The following DNAH14 variants were observed in gnomAD, a reference collection of about 807,000 sequenced individuals.
DNAH14 encodes axonemal beta dynein heavy chain 14.
DNAH14 carries 478 observed loss-of-function variants against 520.9 expected under a neutral mutation model. That is an observed-to-expected ratio of 0.92 (90% CI 0.85 to 0.99). DNAH14 has a LOEUF of 0.99. Among genes scored for constraint, DNAH14 ranks in the 50% least tolerant of loss-of-function variants. The pLI is 0.00. For synonymous variants in DNAH14, 1,581 were observed against 1,757.2 expected (o/e 0.90, Z 2.51); for missense variants, 4,831 against 5,234.5 (o/e 0.92, Z 2.38).
chr1:225,392,546 C>T, intron 84 of DNAH14, 95 bp downstream of exon 84: 1 of 1,441,256 alleles, frequency 6.9e-7, no homozygotes. Context: ...TTACTCAGCA[C>T]TTACCACATG....
In DNAH14 at chr1:225,340,604, A is replaced by C. The variant is rs1172836856; in HGVS notation, c.10581A>C (p.Glu3527Asp). Residue 3527 changes from glutamate to aspartate, a missense_variant, in exon 69 of 86, where the codon GAA becomes GAC. Coordinates refer to ENST00000682510, the MANE Select transcript of DNAH14 (RefSeq NM_001367479.1). ...TAACTCATGAAGTTCCTCATTTAGA[A>C]GATCAACGTTCCAAGTTACTGGAGA... ...TVVTHEVPHL[E>D]DQRSKLLESI... The C allele has an allele frequency of 2.6e-6, 4 of 1,551,450 alleles. No homozygotes were observed. The Admixed American group carries it at 5.9e-5, about 23-fold the overall frequency.
At chr1:225,259,899 T>C (rs910324395) in intron 46 of DNAH14, among the ~76,000 whole-genome samples, 11 of 152,202 alleles carry the variant, frequency 7.2e-5, no homozygotes, top group Admixed American at 4.6e-4. Flanking sequence ...ATTTCCTTCT[T>C]TTTAGAGACT....
chr1:225,051,026 G>T (rs2068488772), intron 16 of DNAH14, among the ~76,000 whole-genome samples: 1 of 152,160 alleles, frequency 6.6e-6, no homozygotes, highest in Admixed American at 6.6e-5. Context: ...AGGCAGTAAT[G>T]CTTGCTCACC....
At chr1:225,066,518 A>G (rs1442646159) in intron 17 of DNAH14, among the ~76,000 whole-genome samples, 1 of 151,734 alleles carries the variant, frequency 6.6e-6, no homozygotes, top group Non-Finnish European at 1.5e-5. Context: ...TTATTTCGAT[A>G]GTTTTGGGGG....
In DNAH14 at chr1:225,381,509, TCA is replaced by T. The variant is rs748334981; in HGVS notation, c.13008_13009del (p.Ile4337ProfsTer10). The T allele has an allele frequency of 4.5e-6, 7 of 1,549,806 alleles. No homozygotes were observed. The South Asian group carries it at 8.4e-5, about 19-fold the overall frequency. ...CTTCAGCTTGCTATAAAAGGAGAGATCATCCTCACCCAAGAATTGGAGGAAAT... is the reference window on the plus strand; with the variant it reads ...CTTCAGCTTGCTATAAAAGGAGAGATTCCTCACCCAAGAATTGGAGGAAAT... On this transcript the variant is annotated frameshift_variant, in exon 81 of 86. Coordinates refer to ENST00000682510, the MANE Select transcript of DNAH14 (RefSeq NM_001367479.1). LOFTEE classifies it high-confidence loss of function.
chr1:225,311,820 C>A (rs1317468339), intron 60 of DNAH14, among the ~76,000 whole-genome samples: 2 of 152,090 alleles, frequency 1.3e-5, no homozygotes. Context: ...GTTTTAGTAC[C>A]AGTAGCATGC....
chr1:225,059,553 A>G (rs1387126762), intron 17 of DNAH14, among the ~76,000 whole-genome samples: 2 of 152,234 alleles, frequency 1.3e-5, no homozygotes, highest in Non-Finnish European at 2.9e-5. Flanking sequence ...TTATGTGTGA[A>G]TTCGATCCTG....
chr1:225,366,761 C>T (rs1199719651), intron 76 of DNAH14, among the ~76,000 whole-genome samples: 2 of 152,058 alleles, frequency 1.3e-5, no homozygotes, highest in African/African-American at 4.8e-5. Context: ...AAACTTAGAG[C>T]CATTTGCTTA....
intron 8 of DNAH14, among the ~76,000 whole-genome samples, chr1:224,991,371 C>G (rs2063034891): frequency 6.6e-6 from 1 of 151,576 alleles, no homozygotes; most frequent in African/African-American, 2.4e-5. Flanking sequence ...TCCCAAAGTG[C>G]TGGGATTAGA....
rs1558386691 is a variant in DNAH14, at chr1:225,324,235, T to C, written c.9509T>C (p.Leu3170Pro). Reference sequence around the variant, plus strand: ...TGTTCTCTCTAGGTTTTCGTGAAGCTAAAAAAAATTGTAACCTTACCTGAT... The same window carrying C: ...TGTTCTCTCTAGGTTTTCGTGAAGCCAAAAAAAATTGTAACCTTACCTGAT... The part of the protein sequence containing the change: ...DSIPDKVFVK[L>P]KKIVTLPDFN... The change falls in exon 63 of 86, where the codon CTA (leucine) becomes CCA (proline). Residue 3170 changes from leucine (L) to proline (P), a missense_variant. Leu to Pro is a moderately conservative substitution (Grantham distance 98, BLOSUM62 -3). Coordinates refer to ENST00000682510, the MANE Select transcript of DNAH14 (RefSeq NM_001367479.1). 1.3e-6 allele frequency: 2 copies of C among 1,548,288 alleles called. No individual in the cohort carries two copies. The highest frequency in any genetic ancestry group is 4.9e-5 in the East Asian group (2 of 40,812).
intron 36 of DNAH14, among the ~76,000 whole-genome samples, chr1:225,169,755 G>A (rs1295558671): frequency 1.3e-5 from 2 of 152,104 alleles, no homozygotes; most frequent in Non-Finnish European, 2.9e-5. Context: ...TCAAATTCAG[G>A]AAATAATGGA....
chr1:225,025,843 T>A (rs2066072509), intron 11 of DNAH14, among the ~76,000 whole-genome samples: 1 of 152,218 alleles, frequency 6.6e-6, no homozygotes. Flanking sequence ...CATTGTTGAA[T>A]CTGTTTCCAC....
chr1:225,255,923 C>T (rs982634716), intron 44 of DNAH14, among the ~76,000 whole-genome samples: 7 of 151,922 alleles, frequency 4.6e-5, no homozygotes, highest in Admixed American at 6.6e-5. Context: ...AAAAATACAA[C>T]GGAAGTAAAA....
intron 15 of DNAH14, among the ~76,000 whole-genome samples, chr1:225,049,768 A>G (rs1215753498): frequency 8.3e-6 from 1 of 119,922 alleles, no homozygotes; most frequent in East Asian, 2.2e-4. Flanking sequence ...CTGTCTATCT[A>G]TCTACCTATC....
chr1:225,051,844 A>C (rs1292605128), intron 17 of DNAH14, 49 bp downstream of exon 17: 18 of 1,280,224 alleles, frequency 1.4e-5, no homozygotes, highest in Middle Eastern at 2.7e-4. Context: ...CAGATTAGTA[A>C]ATTTTAAATT....
In DNAH14 at chr1:225,270,848, CT is replaced by C; in HGVS notation, c.7655del (p.Leu2552TyrfsTer29). 1 of 1,551,016 alleles carries C rather than the reference CT, an allele frequency of 6.4e-7. No individual in the cohort carries two copies. Among genetic ancestry groups the C allele is most frequent in the Non-Finnish European group, 8.7e-7 (1 of 1,146,724 alleles). ...TATTACCTCATCCTTCACAAGACATCTTATGTACTATTTTCCAGGTAACACA... is the reference window on the plus strand; with the variant it reads ...TATTACCTCATCCTTCACAAGACATCTATGTACTATTTTCCAGGTAACACA... The part of the protein sequence containing the change: ...LVLPHPSQDI[L>X]CTIFQAHLGI... On this transcript the variant is annotated frameshift_variant, in exon 50 of 86. Coordinates refer to ENST00000682510, the MANE Select transcript of DNAH14 (RefSeq NM_001367479.1). LOFTEE classifies it high-confidence loss of function.
chr1:225,343,265 C>T (rs1229756863), intron 69 of DNAH14, among the ~76,000 whole-genome samples: 1 of 152,226 alleles, frequency 6.6e-6, no homozygotes, highest in Non-Finnish European at 1.5e-5. Context: ...AAAACACTGA[C>T]TTGTTCAGCA....
chr1:225,177,663 C>T (rs1279742462), intron 36 of DNAH14, among the ~76,000 whole-genome samples: 1 of 152,172 alleles, frequency 6.6e-6, no homozygotes, highest in East Asian at 1.9e-4. Flanking sequence ...GCCTTGGCAG[C>T]TTCCATGTGA....
At position 225,147,542 on chromosome 1, in the gene DNAH14, AT is replaced by A. The variant is rs1218344130; in HGVS notation, c.4940+301del. Among the ~76,000 whole-genome samples the A allele has an allele frequency of 3.9e-5, 6 of 152,056 alleles. No individual in the cohort carries two copies. The East Asian group carries it at 5.8e-4, about 15-fold the overall frequency. On this transcript the variant is annotated intron_variant, in intron 31 of 85. Transcript: ENST00000682510. ...AGGACACTGATGCAAATATATTTTAATTTTTTTTCAGCTTAAATTTTCATAT... is the reference window on the plus strand; with the variant it reads ...AGGACACTGATGCAAATATATTTTAATTTTTTTCAGCTTAAATTTTCATAT...
Sources: allele counts gnomAD v4.1 joint callset (sites outside exome capture counted in the v4.1 genomes callset), GRCh38; gene constraint gnomAD v4.1.1; transcripts MANE v1.5; gene names NCBI Gene and HGNC (gene_info 2026-07-23, HGNC 2026-07-21).